Variants in KCNIP4 observed in about 807,000 individuals in gnomAD.
The protein encoded by KCNIP4 is Kv channel-interacting protein 4.
KCNIP4 carries 12 observed loss-of-function variants against 34.0 expected under a neutral mutation model. The ratio of observed to expected loss-of-function variants is 0.35; its 90% CI spans 0.23 to 0.57. The LOEUF (loss-of-function observed/expected upper bound fraction) is 0.57, where lower values mean the gene tolerates loss of function less well. Ranked by LOEUF, KCNIP4 falls within the 20% of genes least tolerant of loss-of-function variation. The pLI is 0.83. For synonymous variants in KCNIP4, 124 were observed against 102.2 expected (o/e 1.21, Z -1.29); for missense variants, 238 against 311.7 (o/e 0.76, Z 1.78).
intron 1 of KCNIP4, among the ~76,000 whole-genome samples, chr4:21,787,099 G>A (rs1719964905): frequency 6.6e-6 from 1 of 152,122 alleles, no homozygotes; most frequent in Non-Finnish European, 1.5e-5. Context: ...ATAACACCAT[G>A]AGTGGAAAAT....
chr4:21,838,184 A>G (rs930338416), intron 1 of KCNIP4, among the ~76,000 whole-genome samples: 1 of 152,224 alleles, frequency 6.6e-6, no homozygotes, highest in Non-Finnish European at 1.5e-5. Flanking sequence ...CAAAGGGCAG[A>G]AAGAAGAGTG....
intron 1 of KCNIP4, among the ~76,000 whole-genome samples, chr4:21,549,456 A>G (rs1738384630): frequency 6.6e-6 from 1 of 151,842 alleles, no homozygotes; most frequent in African/African-American, 2.4e-5. Context: ...GTTGTTTAAA[A>G]GAGCCTGACA....
chr4:21,106,333 T>A (rs1224817251), intron 1 of KCNIP4, among the ~76,000 whole-genome samples: 1 of 151,700 alleles, frequency 6.6e-6, no homozygotes, highest in Non-Finnish European at 1.5e-5. Context: ...GAGGAGGGTG[T>A]ATGTGTCGAG....
intron 1 of KCNIP4, among the ~76,000 whole-genome samples, chr4:21,539,103 T>C (rs1213279483): frequency 1.3e-5 from 2 of 152,192 alleles, no homozygotes; most frequent in African/African-American, 4.8e-5. Context: ...TCTGCCATGA[T>C]TGTAAGTTTC....
intron 1 of KCNIP4, among the ~76,000 whole-genome samples, chr4:21,711,698 T>C (rs941287555): frequency 6.6e-5 from 10 of 152,228 alleles, no homozygotes; most frequent in African/African-American, 2.2e-4. Context: ...CTGTTTTTCA[T>C]ATTGTTTTTG....
At chr4:21,190,506 TG>T (rs61311061) in intron 1 of KCNIP4, among the ~76,000 whole-genome samples, 13,301 of 66,480 alleles carry the variant, frequency 0.2, 991 homozygotes, top group East Asian at 0.33. Context: ...TGCGAGTGGG[TG>T]GGGGGGGGCA....
At chr4:21,191,150 A>G (rs2109347756) in intron 1 of KCNIP4, among the ~76,000 whole-genome samples, 1 of 152,320 alleles carries the variant, frequency 6.6e-6, no homozygotes, top group East Asian at 1.9e-4. Context: ...AAGCACAGAG[A>G]TATTCTCAAC....
intron 1 of KCNIP4, among the ~76,000 whole-genome samples, chr4:21,690,098 G>GTA (rs1222016806): frequency 6.8e-5 from 10 of 146,026 alleles, no homozygotes; most frequent in East Asian, 2.0e-4. Context: ...ACATATATAT[G>GTA]TATATATATA....
At chr4:21,688,911 T>A (rs2109038837) in intron 1 of KCNIP4, among the ~76,000 whole-genome samples, 1 of 152,152 alleles carries the variant, frequency 6.6e-6, no homozygotes, top group Non-Finnish European at 1.5e-5. Flanking sequence ...TACAGTCCCG[T>A]TGCTTCACCT....
At chr4:21,857,442 C>G (rs1724827113) in intron 1 of KCNIP4, among the ~76,000 whole-genome samples, 1 of 152,040 alleles carries the variant, frequency 6.6e-6, no homozygotes, top group Non-Finnish European at 1.5e-5. Context: ...GGTCTCCTCT[C>G]TGCTGAGAGC....
At chr4:21,370,882 C>CACACACACACGTGTGT (rs367553482) in intron 1 of KCNIP4, among the ~76,000 whole-genome samples, 1 of 39,366 alleles carries the variant, frequency 2.5e-5, no homozygotes, top group Non-Finnish European at 4.8e-5. Flanking sequence ...CACACACACA[C>CACACACACACGTGTGT]GTGTGTGTGT....
intron 1 of KCNIP4, among the ~76,000 whole-genome samples, chr4:21,241,833 A>T (rs1277974320): frequency 6.6e-6 from 1 of 152,068 alleles, no homozygotes; most frequent in African/African-American, 2.4e-5. Flanking sequence ...ATCCGCAAAA[A>T]CTGCAGTATG....
intron 1 of KCNIP4, among the ~76,000 whole-genome samples, chr4:21,544,081 A>C (rs763747470): frequency 6.6e-6 from 1 of 152,040 alleles, no homozygotes; most frequent in Non-Finnish European, 1.5e-5. Context: ...TACTGATCCC[A>C]TTTCTCTGGA....
At chr4:20,732,431 G>GAAAAC (rs1173769504) in intron 7 of KCNIP4, among the ~76,000 whole-genome samples, 1 of 152,138 alleles carries the variant, frequency 6.6e-6, no homozygotes, top group South Asian at 2.1e-4. Context: ...AAAACTGAAT[G>GAAAAC]AAAACAAAAC....
chr4:21,785,417 C>T (rs1719836592), intron 1 of KCNIP4, among the ~76,000 whole-genome samples: 1 of 151,874 alleles, frequency 6.6e-6, no homozygotes, highest in Non-Finnish European at 1.5e-5. Flanking sequence ...ATGGTGAAAC[C>T]CTGCCTCTAC....
chr4:20,967,016 T>A (rs1181716585), intron 1 of KCNIP4, among the ~76,000 whole-genome samples: 1 of 152,184 alleles, frequency 6.6e-6, no homozygotes, highest in Non-Finnish European at 1.5e-5. Context: ...AAATTTGACC[T>A]GTGTATCTTC....
At position 21,182,748 on chromosome 4, in the gene KCNIP4, T is replaced by A. The variant is rs549857773; in HGVS notation, c.62-300039A>T. On this transcript the variant is annotated intron_variant, in intron 1 of 8. Transcript: ENST00000382152. ...TTAAAGTGTTTTAAAAAATTATTTT[T>A]AAATTGTTAAAATAGTATATATAGT... Among the ~76,000 whole-genome samples the A allele has an allele frequency of 1.2e-3, 187 of 152,134 alleles. 2 individuals are homozygous for A. Among genetic ancestry groups the A allele is most frequent in the Non-Finnish European group, 3.5e-4 (24 of 67,988 alleles).
rs138114280 is a variant in KCNIP4, at chr4:21,749,794, G to A, written c.61+198777C>T. Among the ~76,000 whole-genome samples the A allele has an allele frequency of 8.8e-3, 1,338 of 152,140 alleles. 18 individuals carry two copies. The highest frequency in any genetic ancestry group is 0.039 in the South Asian group (188 of 4,818). On this transcript the variant is annotated intron_variant, in intron 1 of 8. Coordinates refer to ENST00000382152, the MANE Select transcript of KCNIP4 (RefSeq NM_025221.6). ...CATGCCTGTTTGGAGCACACATGCCGGAGATCCTTGCCTAAACACCCTCAT... is the reference window on the plus strand; with the variant it reads ...CATGCCTGTTTGGAGCACACATGCCAGAGATCCTTGCCTAAACACCCTCAT...
intron 1 of KCNIP4, among the ~76,000 whole-genome samples, chr4:21,455,251 G>T (rs931896691): frequency 1.3e-5 from 2 of 152,022 alleles, no homozygotes; most frequent in African/African-American, 2.4e-5. Context: ...AAGCTGTCCA[G>T]GGCCCAACAC....
Sources: gnomAD v4.1 joint callset for allele counts (sites outside exome capture counted in the v4.1 genomes callset) on GRCh38, gnomAD v4.1.1 for gene constraint, MANE v1.5 for transcripts, NCBI Gene and HGNC (gene_info 2026-07-23, HGNC 2026-07-21) for gene names.